The following KRTCAP2 variants were observed in gnomAD, a reference collection of about 807,000 sequenced individuals.
KRTCAP2 encodes the protein dolichyl-diphosphooligosaccharide--protein glycosyltransferase subunit KCP2.
Under a neutral mutation model 16.5 loss-of-function variants are expected in KRTCAP2, and 10 were observed. The observed-to-expected ratio is 0.60, with a 90% CI of 0.37 to 1.02. The LOEUF (loss-of-function observed/expected upper bound fraction) is 1.02. Among genes scored for constraint, KRTCAP2 ranks in the 50% least tolerant of loss-of-function variants. The pLI, the probability that KRTCAP2 is intolerant of heterozygous loss-of-function variation, is 0.01. For synonymous variants in KRTCAP2, 68 were observed against 69.8 expected (o/e 0.97, Z 0.13); for missense variants, 152 against 159.6 (o/e 0.95, Z 0.26).
At chr1:155,171,871 A>G in intron 3 of KRTCAP2, 2 of 862,870 alleles carry the variant, frequency 2.3e-6, no homozygotes, top group Non-Finnish European at 1.4e-6. Flanking sequence ...AAAAAAAAAG[A>G]GAAAAGATTA....
chr1:155,169,604 G>T (rs759313958), intron 4 of KRTCAP2, 44 bp from the exon 5 acceptor site: 1 of 1,602,570 alleles, frequency 6.2e-7, no homozygotes, highest in Non-Finnish European at 8.5e-7. Flanking sequence ...GTGGGCATCT[G>T]CCAGCCTGGT....
intron 3 of KRTCAP2, chr1:155,172,194 A>C (rs1484723577): frequency 2.7e-5 from 30 of 1,097,368 alleles, no homozygotes; most frequent in Non-Finnish European, 3.2e-5. Flanking sequence ...GAATTCTCTA[A>C]TATTGAGTTA....
intron 3 of KRTCAP2, chr1:155,172,116 G>T (rs1380178316): frequency 9.9e-7 from 1 of 1,005,240 alleles, no homozygotes; most frequent in Non-Finnish European, 1.2e-6. Context: ...ATTTGGTCAG[G>T]ATTCCTGCTG....
chr1:155,172,177 A>G, intron 3 of KRTCAP2: 2 of 1,060,470 alleles, frequency 1.9e-6, no homozygotes, highest in Non-Finnish European at 2.3e-6. Context: ...ATTCCCTCAA[A>G]TAAGTAGAAT....
chr1:155,171,304 A>G (rs1264636481), intron 3 of KRTCAP2: 1 of 231,756 alleles, frequency 4.3e-6, no homozygotes, highest in African/African-American at 2.3e-5. Context: ...ATGTAATCCC[A>G]GCTACTCGGG....
At position 155,172,891 on chromosome 1, in the gene KRTCAP2, C is replaced by G; in HGVS notation, c.6G>C (p.Val2=). ...GCGCCAGCGAGGTGCCCGTACCCAC[C>G]ACTGGAGGGGATGGGAGAAGGGACG... The part of the protein sequence containing the change: M[V]VGTGTSLALS... The change falls in exon 2 of 5, where the codon GTG becomes GTC. Residue 2 remains valine (V), a splice_region_variant and synonymous_variant. Coordinates refer to ENST00000295682, the MANE Select transcript of KRTCAP2 (RefSeq NM_173852.4). The G allele has an allele frequency of 1.2e-6, 2 of 1,613,856 alleles. No homozygotes were observed. Among genetic ancestry groups the G allele is most frequent in the Non-Finnish European group, 1.7e-6 (2 of 1,179,952 alleles).
intron 3 of KRTCAP2, chr1:155,172,050 C>G: frequency 1.0e-6 from 1 of 991,036 alleles, no homozygotes; most frequent in Non-Finnish European, 1.2e-6. Context: ...TTCTTGATTA[C>G]ATGAGCAATT....
rs775067154 is a variant in KRTCAP2 at position 155,169,802 on chromosome 1, A to G, written c.279T>C (p.Cys93=). Residue 93 remains cysteine (C), a synonymous_variant, in exon 4 of 5, where the codon TGT becomes TGC. Transcript: ENST00000295682. ...TGTCAAGAACATACCAGGTGGTGAC[A>G]CAGACTCGGTGGATGAGGCCAGATG... ...LFASGLIHRV[C]VTTCFIFSMV... 6.3e-7 allele frequency: 1 copy of G among 1,595,588 alleles called. No homozygotes were observed. The highest frequency in any genetic ancestry group is 8.5e-7 in the Non-Finnish European group (1 of 1,170,190).
At chr1:155,172,292 C>T (rs1045611574) in intron 3 of KRTCAP2, 1 of 1,310,468 alleles carries the variant, frequency 7.6e-7, no homozygotes, top group Non-Finnish European at 9.8e-7. Context: ...AGATGCAAAA[C>T]ATCAGCCCAA....
intron 1 of KRTCAP2, 70 bp from the exon 2 acceptor site, chr1:155,172,962 G>A: frequency 6.5e-7 from 1 of 1,549,946 alleles, no homozygotes. Context: ...GGGCAGATCA[G>A]CCGGTCCGGA....
At position 155,169,441 on chromosome 1, in the gene KRTCAP2, C is replaced by T; in HGVS notation, c.410G>A (p.Ter137=). 1 of 1,613,824 alleles carries T rather than the reference C, an allele frequency of 6.2e-7. No homozygotes were observed. Among genetic ancestry groups the T allele is most frequent in the Non-Finnish European group, 8.5e-7 (1 of 1,179,874 alleles). The change falls in exon 5 of 5, where the codon TGA becomes TAA. Residue 137 remains the stop codon, a stop_retained_variant. Coordinates refer to ENST00000295682, the MANE Select transcript of KRTCAP2 (RefSeq NM_173852.4). ...KVTGKSKKRN[*] ...ATCAACTTTATTGAACATTCAGGGT[C>T]AGTTTCTCTTCTTGCTCTTGCCTGT...
At chr1:155,170,645 T>C (rs1028473042) in intron 3 of KRTCAP2, 1 of 152,096 alleles carries the variant, frequency 6.6e-6, no homozygotes, top group African/African-American at 2.4e-5. Flanking sequence ...TACTTCTTCA[T>C]GGGGGCAGGA....
rs762199641 is a variant in KRTCAP2 at position 155,172,848 on chromosome 1, G to C, written c.49C>G (p.Leu17Val). The C allele has an allele frequency of 6.8e-6, 11 of 1,614,248 alleles. No homozygotes were observed. Among genetic ancestry groups the C allele is most frequent in the Non-Finnish European group, 4.2e-6 (5 of 1,180,050 alleles). The change falls in exon 2 of 5, where the codon CTG (leucine) becomes GTG (valine). Residue 17 changes from leucine to valine, a missense_variant. Transcript: ENST00000295682. ...ATCTGCATCCCAGCAAAGAGCAGCA[G>C]GGACAGGAGGGAGGAGAGCGCCAGC... ...TSLALSSLLS[L>V]LLFAGMQMYS...
At position 155,172,611 on chromosome 1, in the gene KRTCAP2, C is replaced by T; in HGVS notation, c.177G>A (p.Glu59=). The T allele has an allele frequency of 6.2e-7, 1 of 1,614,212 alleles. No individual in the cohort carries two copies. Among genetic ancestry groups the T allele is most frequent in the Non-Finnish European group, 8.5e-7 (1 of 1,180,046 alleles). Reference sequence around the variant, plus strand: ...GGAATCCTTTGCCAAAGACAAGATTCTCCAGATTATTGAAGGCCTGGTTGA... The same window carrying T: ...GGAATCCTTTGCCAAAGACAAGATTTTCCAGATTATTGAAGGCCTGGTTGA... The part of the protein sequence containing the change: ...VFSLTAFNNL[E]NLVFGKGFQA... The change falls in exon 3 of 5, where the codon GAG becomes GAA. Residue 59 remains glutamate (E), a synonymous_variant. Coordinates refer to ENST00000295682, the MANE Select transcript of KRTCAP2 (RefSeq NM_173852.4).
At chr1:155,172,224 T>C (rs998511077) in intron 3 of KRTCAP2, 5 of 1,183,466 alleles carry the variant, frequency 4.2e-6, no homozygotes, top group African/African-American at 3.1e-5. Flanking sequence ...CAGAACTCCA[T>C]AGTGAACTTG....
At chr1:155,171,418 CAA>C (rs57841755) in intron 3 of KRTCAP2, 16,322 of 781,514 alleles carry the variant, frequency 0.021, no homozygotes, top group Middle Eastern at 0.028. Context: ...GACTCCATCT[CAA>C]AAAAAAAAAA....
In KRTCAP2 at chr1:155,172,883, G is replaced by A; in HGVS notation, c.14C>T (p.Thr5Met). ...GGAGGAGAGCGCCAGCGAGGTGCCC[G>A]TACCCACCACTGGAGGGGATGGGAG... is the stretch of plus-strand genomic sequence containing the variant. MVVG[T>M]GTSLALSSLL... is the part of the protein sequence containing the mutation. The change falls in exon 2 of 5, where the codon ACG becomes ATG. Residue 5 changes from threonine (T) to methionine (M), a missense_variant. Physicochemically the swap from Thr to Met is moderately conservative, Grantham distance 81. Transcript: ENST00000295682. 1.9e-6 allele frequency: 3 copies of A among 1,613,838 alleles called. No individual in the cohort carries two copies. Among genetic ancestry groups the A allele is most frequent in the Non-Finnish European group, 2.5e-6 (3 of 1,179,938 alleles).
Position 155,172,515 on chromosome 1 carries a change from G to A in KRTCAP2, c.223+50C>T, listed in dbSNP as rs775128727. On this transcript the variant is annotated intron_variant, in intron 3 of 4. Coordinates refer to ENST00000295682, the MANE Select transcript of KRTCAP2 (RefSeq NM_173852.4). ...CTGGAAATTCAATATCATGTTTCAG[G>A]AGGTTAAAGAGGAGAAAGTTCAAAT... The A allele has an allele frequency of 3.7e-6, 6 of 1,614,018 alleles. No individual in the cohort carries two copies. In the South Asian group the frequency reaches 4.4e-5, roughly 12 times the overall value.
In KRTCAP2 at chr1:155,172,903, T is replaced by C. The variant is rs775619538; in HGVS notation, c.5-11A>G. On this transcript the variant is annotated splice_polypyrimidine_tract_variant and intron_variant, in intron 1 of 4. Transcript: ENST00000295682. ...TGCCCGTACCCACCACTGGAGGGGA[T>C]GGGAGAAGGGACGGAGAGTCAGGCT... The C allele has an allele frequency of 6.2e-7, 1 of 1,613,216 alleles. No individual in the cohort carries two copies. Among genetic ancestry groups the C allele is most frequent in the Non-Finnish European group, 8.5e-7 (1 of 1,179,670 alleles).
Sources: gnomAD v4.1 joint callset for allele counts on GRCh38, gnomAD v4.1.1 for gene constraint, MANE v1.5 for transcripts, NCBI Gene and HGNC (gene_info 2026-07-23, HGNC 2026-07-21) for gene names.